Variants in TRIM55 observed in about 807,000 individuals in gnomAD.
TRIM55 encodes tripartite motif containing 55, also known as tripartite motif-containing protein 55.
In TRIM55, 50 loss-of-function variants were observed where a neutral mutation model predicts 60.9. That is an observed-to-expected ratio of 0.82 (90% CI 0.65 to 1.04). The LOEUF (loss-of-function observed/expected upper bound fraction) is 1.04. Ranked by LOEUF, TRIM55 falls within the 50% of genes least tolerant of loss-of-function variation. TRIM55 has a pLI of 0.00. For missense variants in TRIM55, 681 were observed against 666.9 expected, an observed-to-expected ratio of 1.02 and a Z score of -0.23; for synonymous variants, 237 against 238.1, an observed-to-expected ratio of 1.00 and a Z score of 0.04.
At chr8:66,113,863 A>G in the TRIM55 span, among the ~76,000 whole-genome samples, 1 of 152,158 alleles carries the variant, frequency 6.6e-6, no homozygotes, top group Non-Finnish European at 1.5e-5. Context: ...GGTCCGCGGG[A>G]AGAGGTATCT....
At position 66,174,729 on chromosome 8, in the gene TRIM55, T is replaced by A; in HGVS notation, c.*136T>A. 1.1e-6 allele frequency: 1 copy of A among 893,206 alleles called. No homozygotes were observed. The highest frequency in any genetic ancestry group is 1.7e-5 in the African/African-American group (1 of 57,174). 55.3% of individuals were successfully genotyped at this position (893,206 alleles called of 1,614,324 possible). On this transcript the variant is annotated 3_prime_UTR_variant, in exon 10 of 10. Coordinates refer to ENST00000315962, the MANE Select transcript of TRIM55 (RefSeq NM_184085.2). The stretch of plus-strand genomic sequence containing the variant: ...GATTTCTGCAAAAATAGCCCCAAAC[T>A]GCAATTCCATATGACTTATCTAACA...
Position 66,152,404 on chromosome 8 carries a change from G to A in TRIM55, c.1013G>A (p.Gly338Asp), listed in dbSNP as rs146795651. The A allele has an allele frequency of 1.9e-6, 3 of 1,600,352 alleles. No homozygotes were observed. Among genetic ancestry groups the A allele is most frequent in the Admixed American group, 1.7e-5 (1 of 58,512 alleles). The change falls in exon 8 of 10, where the codon GGC (glycine) becomes GAC (aspartate). Residue 338 changes from glycine to aspartate, a missense_variant. Physicochemically the swap from Gly to Asp is moderately conservative, Grantham distance 94. Coordinates refer to ENST00000315962, the MANE Select transcript of TRIM55 (RefSeq NM_184085.2). Reference protein sequence around the residue: ...REDEDEEEEEGGEGEKEGEGE... With the variant: ...REDEDEEEEEDGEGEKEGEGE... ...GATGAAGATGAAGAAGAAGAAGAAG[G>A]CGGAGAAGGAGAAAAAGAAGGAGAA...
intron 9 of TRIM55, among the ~76,000 whole-genome samples, chr8:66,172,609 T>C (rs1811704229): frequency 6.6e-6 from 1 of 152,242 alleles, no homozygotes; most frequent in Non-Finnish European, 1.5e-5. Flanking sequence ...TGTCAATCTC[T>C]AGTAGAGGAA....
chr8:66,149,545 C>G, intron 4 of TRIM55, 100 bp from the exon 5 acceptor site: 8 of 936,450 alleles, frequency 8.5e-6, no homozygotes, highest in Non-Finnish European at 1.3e-5. Context: ...AAAAAATATC[C>G]TACATAAGTA....
intron 4 of TRIM55, among the ~76,000 whole-genome samples, chr8:66,139,432 T>C (rs1809675414): frequency 6.6e-6 from 1 of 152,106 alleles, no homozygotes; most frequent in African/African-American, 2.4e-5. Flanking sequence ...GGACACTGAG[T>C]GGGCCGCAGA....
intron 9 of TRIM55, among the ~76,000 whole-genome samples, chr8:66,165,817 A>G (rs1417627409): frequency 1.3e-5 from 2 of 152,224 alleles, no homozygotes; most frequent in African/African-American, 4.8e-5. Flanking sequence ...TGAGATGCAG[A>G]CATTCTTACC....
chr8:66,135,291 C>A, intron 3 of TRIM55, 136 bp downstream of exon 3: 1 of 853,086 alleles, frequency 1.2e-6, no homozygotes. Flanking sequence ...CACTGGAGGG[C>A]ACACAAGGTC....
At position 66,174,862 on chromosome 8, in the gene TRIM55, T is replaced by G; in HGVS notation, c.*269T>G. ...TGTGTGGAAAATGTTGTGAAGGGTG[T>G]GTAGGTGTGGTACATGTGTATGTCA... is the stretch of plus-strand genomic sequence containing the variant. On this transcript the variant is annotated 3_prime_UTR_variant, in exon 10 of 10. Transcript: ENST00000315962. 1 of 247,402 alleles carries G rather than the reference T, an allele frequency of 4.0e-6. No homozygotes were observed. Among genetic ancestry groups the G allele is most frequent in the Non-Finnish European group, 7.8e-6 (1 of 128,704 alleles). 15.3% of individuals were successfully genotyped at this position (247,402 alleles called of 1,614,324 possible).
At chr8:66,142,831 T>C (rs1325557652) in intron 4 of TRIM55, among the ~76,000 whole-genome samples, 2 of 152,240 alleles carry the variant, frequency 1.3e-5, no homozygotes, top group African/African-American at 4.8e-5. Flanking sequence ...GTAGTTTATC[T>C]GTCCCCTTTC....
intron 9 of TRIM55, among the ~76,000 whole-genome samples, chr8:66,161,622 G>A (rs74878456): frequency 6.6e-6 from 1 of 151,672 alleles, no homozygotes; most frequent in African/African-American, 2.4e-5. Context: ...TGGCAGTATG[G>A]TTATTGATTC....
chr8:66,137,113 A>C lies in TRIM55; in HGVS notation c.526A>C (p.Ile176Leu). The change falls in exon 4 of 10, where the codon ATC becomes CTC. Residue 176 changes from isoleucine (I) to leucine (L), a missense_variant. Transcript: ENST00000315962. The stretch of plus-strand genomic sequence containing the variant: ...TCATTAGTCTGAGCTCAGTGATGGC[A>C]TCGCCATCCTCGTGGGCAGCAACGA... The part of the protein sequence containing the change: ...QRQKSELSDG[I>L]AILVGSNDRV... 1 of 1,614,082 alleles carries C rather than the reference A, an allele frequency of 6.2e-7. No homozygotes were observed.
chr8:66,131,606 A>G (rs1666085615), intron 2 of TRIM55, among the ~76,000 whole-genome samples: 1 of 152,016 alleles, frequency 6.6e-6, no homozygotes, highest in Non-Finnish European at 1.5e-5. Context: ...TTACTCTCTT[A>G]TTTCTATGGA....
At chr8:66,168,233 C>A (rs561753619) in intron 9 of TRIM55, among the ~76,000 whole-genome samples, 2 of 152,150 alleles carry the variant, frequency 1.3e-5, no homozygotes, top group Non-Finnish European at 2.9e-5. Context: ...GGCAGAGCTG[C>A]CTAACAGAGT....
At chr8:66,155,776 T>A in intron 9 of TRIM55, 2 of 1,120,098 alleles carry the variant, frequency 1.8e-6, no homozygotes, top group Non-Finnish European at 2.6e-6. Context: ...GTTCCTCTTC[T>A]ATAGGCCCAG....
intron 4 of TRIM55, among the ~76,000 whole-genome samples, chr8:66,147,431 G>A (rs143550457): frequency 3.0e-3 from 457 of 152,140 alleles, no homozygotes; most frequent in Admixed American, 4.8e-3. Flanking sequence ...CAACAATTTG[G>A]TTTAGGTCAT....
intron 9 of TRIM55, among the ~76,000 whole-genome samples, chr8:66,162,681 C>T (rs894276380): frequency 2.6e-5 from 4 of 151,916 alleles, no homozygotes; most frequent in Non-Finnish European, 4.4e-5. Context: ...GTTTTTATTA[C>T]CATTTCAATC....
chr8:66,116,435 T>C, the TRIM55 span, among the ~76,000 whole-genome samples: 1 of 151,860 alleles, frequency 6.6e-6, no homozygotes, highest in Non-Finnish European at 1.5e-5. Context: ...GGTGAAACCC[T>C]GTCTCTACAA....
At chr8:66,125,017 T>C (rs1808766064), upstream of TRIM55, among the ~76,000 whole-genome samples, 2 of 152,192 alleles carry the variant, frequency 1.3e-5, no homozygotes, top group Non-Finnish European at 2.9e-5. Flanking sequence ...AGCCCCAACA[T>C]GTAAATTATG....
chr8:66,143,785 T>A (rs1042942512), intron 4 of TRIM55, among the ~76,000 whole-genome samples: 3 of 152,232 alleles, frequency 2.0e-5, no homozygotes, highest in African/African-American at 7.2e-5. Context: ...GTACACATAA[T>A]GCTGGGAACT....
Sources: allele counts gnomAD v4.1 joint callset (sites outside exome capture counted in the v4.1 genomes callset), GRCh38; gene constraint gnomAD v4.1.1; transcripts MANE v1.5; gene names NCBI Gene and HGNC (gene_info 2026-07-23, HGNC 2026-07-21).